The following PCDH15 variants were observed in gnomAD, a reference collection of about 807,000 sequenced individuals.
PCDH15 encodes the protein protocadherin-15.
Under a neutral mutation model 178.5 loss-of-function variants are expected in PCDH15, and 129 were observed. The observed-to-expected ratio is 0.72, with a 90% CI of 0.63 to 0.84. PCDH15 has a LOEUF of 0.84. PCDH15 is among the 40% of genes least tolerant of loss of function. PCDH15 has a pLI of 0.00. For missense variants in PCDH15, 2,230 were observed against 2,099.9 expected (o/e 1.06, Z -1.21); for synonymous variants, 800 against 732.0 (o/e 1.09, Z -1.50).
chr10:55,227,833 G>T (rs538410095), intron 1 of PCDH15, among the ~76,000 whole-genome samples: 1 of 151,986 alleles, frequency 6.6e-6, no homozygotes, highest in African/African-American at 2.4e-5. Flanking sequence ...AATGTTTGTC[G>T]AAGAGAAGGA....
intron 3 of PCDH15, among the ~76,000 whole-genome samples, chr10:54,431,425 T>C (rs1165154913): frequency 1.3e-5 from 2 of 152,200 alleles, no homozygotes; most frequent in African/African-American, 4.8e-5. Context: ...GTGAGATTTA[T>C]CCCAGGTATG....
At chr10:54,102,083 CCTACTAAA>C (rs1398821547) in intron 15 of PCDH15, among the ~76,000 whole-genome samples, 31 of 152,050 alleles carry the variant, frequency 2.0e-4, no homozygotes, top group Non-Finnish European at 7.4e-5. Flanking sequence ...TTCAATAAAA[CCTACTAAA>C]TCTCACTAAG....
chr10:55,493,392 C>G (rs1045576358), intron 2 of PCDH15, among the ~76,000 whole-genome samples: 2 of 151,350 alleles, frequency 1.3e-5, no homozygotes, highest in Non-Finnish European at 3.0e-5. Flanking sequence ...CTTGTCACTA[C>G]AAAATATTAG....
chr10:54,882,828 A>G (rs542406639), intron 3 of PCDH15, among the ~76,000 whole-genome samples: 3 of 152,088 alleles, frequency 2.0e-5, no homozygotes, highest in African/African-American at 2.4e-5. Context: ...AGTTAGTTCC[A>G]TAAGAAGACG....
At chr10:55,610,787 T>C (rs147038881) in intron 2 of PCDH15, among the ~76,000 whole-genome samples, 1 of 152,138 alleles carries the variant, frequency 6.6e-6, no homozygotes, top group Non-Finnish European at 1.5e-5. Context: ...TGAGTGTTTA[T>C]GGGGTAACAA....
intron 27 of PCDH15, among the ~76,000 whole-genome samples, chr10:53,858,603 G>A (rs1171285492): frequency 6.6e-6 from 1 of 152,158 alleles, no homozygotes; most frequent in Non-Finnish European, 1.5e-5. Context: ...CATTGTGTGA[G>A]CATGATCAAT....
intron 2 of PCDH15, among the ~76,000 whole-genome samples, chr10:55,125,922 C>T (rs182452297): frequency 5.9e-5 from 9 of 152,216 alleles, no homozygotes; most frequent in South Asian, 2.1e-4. Flanking sequence ...ATTGGCTAAA[C>T]GGTGTTCTTT....
chr10:55,072,001 G>A (rs1193865896), intron 2 of PCDH15, among the ~76,000 whole-genome samples: 3 of 132,370 alleles, frequency 2.3e-5, no homozygotes, highest in Non-Finnish European at 5.0e-5. Flanking sequence ...ATGACTACTG[G>A]GTACCTAACG....
intron 2 of PCDH15, among the ~76,000 whole-genome samples, chr10:54,954,645 A>G (rs1186378709): frequency 2.0e-5 from 3 of 151,266 alleles, no homozygotes; most frequent in Non-Finnish European, 3.0e-5. Context: ...CCTCCAGGTA[A>G]TGTCTAAATA....
intron 2 of PCDH15, among the ~76,000 whole-genome samples, chr10:55,413,993 A>G (rs1170241941): frequency 6.6e-6 from 1 of 151,592 alleles, no homozygotes; most frequent in Non-Finnish European, 1.5e-5. Context: ...ATATAAGAGT[A>G]AGATAATATT....
At chr10:54,976,198 T>C (rs947945808) in intron 2 of PCDH15, among the ~76,000 whole-genome samples, 4 of 152,126 alleles carry the variant, frequency 2.6e-5, no homozygotes, top group African/African-American at 9.7e-5. Flanking sequence ...ATGACAAATA[T>C]TAATTTCAAA....
In PCDH15 at chr10:54,858,388, T is replaced by C. The variant is rs74966223; in HGVS notation, c.-29+39062A>G. Among the ~76,000 whole-genome samples, 1,359 of 152,320 alleles carry C rather than the reference T, an allele frequency of 8.9e-3. 20 individuals carry two copies. Among genetic ancestry groups the C allele is most frequent in the African/African-American group, 0.03 (1,228 of 41,576 alleles). On this transcript the variant is annotated intron_variant, in intron 3 of 5. Coordinates refer to the PCDH15 transcript ENST00000458638. Reference sequence around the variant, plus strand: ...AATGAACATGGTTGCTACTCCTTGTTTGTATAGCTGTTAGGAAACTATTTT... The same window carrying C: ...AATGAACATGGTTGCTACTCCTTGTCTGTATAGCTGTTAGGAAACTATTTT...
At chr10:54,334,411 C>T (rs1940576987) in intron 6 of PCDH15, among the ~76,000 whole-genome samples, 1 of 152,104 alleles carries the variant, frequency 6.6e-6, no homozygotes, top group Non-Finnish European at 1.5e-5. Flanking sequence ...CCCCCAGAAT[C>T]CCCTTTACTA....
At chr10:54,296,485 C>G (rs1025331888) in intron 8 of PCDH15, among the ~76,000 whole-genome samples, 1 of 152,168 alleles carries the variant, frequency 6.6e-6, no homozygotes, top group African/African-American at 2.4e-5. Flanking sequence ...GACAAACTTC[C>G]TCTTGCCTCT....
At chr10:55,206,950 G>GC (rs1840419210) in intron 1 of PCDH15, among the ~76,000 whole-genome samples, 1 of 151,890 alleles carries the variant, frequency 6.6e-6, no homozygotes, top group African/African-American at 2.4e-5. Flanking sequence ...GGACTTTTTT[G>GC]ATAGAGTTAG....
chr10:55,326,713 C>T (rs1431852677), intron 2 of PCDH15, among the ~76,000 whole-genome samples: 7 of 151,646 alleles, frequency 4.6e-5, no homozygotes, highest in Admixed American at 3.3e-4. Context: ...TAAAATATGA[C>T]ACAAATTTAA....
At chr10:54,627,793 T>C (rs964550736) in intron 2 of PCDH15, among the ~76,000 whole-genome samples, 3 of 152,154 alleles carry the variant, frequency 2.0e-5, no homozygotes, top group Non-Finnish European at 4.4e-5. Context: ...TTTGTTCAAG[T>C]CTCTTAGTGT....
At chr10:54,314,217 A>G (rs989604946) in intron 8 of PCDH15, among the ~76,000 whole-genome samples, 2 of 152,090 alleles carry the variant, frequency 1.3e-5, no homozygotes, top group Non-Finnish European at 2.9e-5. Context: ...ATTATTATCA[A>G]GTATTAAATA....
At chr10:54,557,317 G>A (rs2087424255) in intron 2 of PCDH15, among the ~76,000 whole-genome samples, 1 of 152,024 alleles carries the variant, frequency 6.6e-6, no homozygotes, top group African/African-American at 2.4e-5. Context: ...TATTGGGTGT[G>A]GCCAACAAAT....
Sources: gnomAD v4.1 joint callset for allele counts (sites outside exome capture counted in the v4.1 genomes callset) on GRCh38, gnomAD v4.1.1 for gene constraint, MANE v1.5 for transcripts, NCBI Gene and HGNC (gene_info 2026-07-23, HGNC 2026-07-21) for gene names.